The following KIF22 variants were observed in gnomAD, a reference collection of about 807,000 sequenced individuals.
The protein encoded by KIF22 is kinesin-like protein KIF22.
KIF22 carries 62 observed loss-of-function variants against 73.0 expected under a neutral mutation model. That is an observed-to-expected ratio of 0.85 (90% CI 0.69 to 1.05). The LOEUF is 1.05. Ranked by LOEUF, KIF22 falls within the 50% of genes least tolerant of loss-of-function variation. The pLI is 0.00. For missense variants in KIF22, 854 were observed against 870.1 expected, an observed-to-expected ratio of 0.98 and a Z score of 0.23; for synonymous variants, 411 against 340.1, an observed-to-expected ratio of 1.21 and a Z score of -2.29.
chr16:29,799,221 C>G, intron 5 of KIF22, 37 bp downstream of exon 5: 1 of 1,610,990 alleles, frequency 6.2e-7, no homozygotes. Context: ...CTGGGAAGCC[C>G]AGGAGCCTGA....
chr16:29,793,693 CA>C (rs1898879612), intron 1 of KIF22, among the ~76,000 whole-genome samples: 1 of 151,976 alleles, frequency 6.6e-6, no homozygotes, highest in South Asian at 2.1e-4. Flanking sequence ...ATCTAGTAAG[CA>C]TATGCTAACA....
chr16:29,791,113 C>T, intron 1 of KIF22: 1 of 1,355,906 alleles, frequency 7.4e-7, no homozygotes, highest in Non-Finnish European at 9.5e-7. Context: ...GCTTCGGTTT[C>T]TTCGTCTGTG....
rs755606500 is a variant in KIF22, at chr16:29,798,971, A to G, written c.550-4A>G. 3.7e-6 allele frequency: 6 copies of G among 1,613,760 alleles called. No homozygotes were observed. The African/African-American group carries it at 5.3e-5, about 14-fold the overall frequency. On this transcript the variant is annotated splice_region_variant and splice_polypyrimidine_tract_variant and intron_variant, in intron 4 of 13. Transcript: ENST00000160827. This position sits in a 1 kb window ranked among gnomAD's most constrained non-coding sequence, Gnocchi z 4.1. ...ATTGCCCTTCCCCTTCACTGCTTAC[A>G]CAGGTATTAGACCTCCTGGACCCTG...
chr16:29,798,149 C>T lies in KIF22; in HGVS notation c.267-225C>T, dbSNP rs1343435859. ...AACTCCAAGAGCAGGGATATCAGATCTATCTCTGTATTCCTAACACCAATA... is the reference window on the plus strand; with the variant it reads ...AACTCCAAGAGCAGGGATATCAGATTTATCTCTGTATTCCTAACACCAATA... On this transcript the variant is annotated intron_variant, in intron 2 of 13. Transcript: ENST00000160827. The surrounding 1 kb of genome is among the most constrained non-coding windows in gnomAD (Gnocchi z 4.1). Among the ~76,000 whole-genome samples, 2 of 152,166 alleles carry T rather than the reference C, an allele frequency of 1.3e-5. No homozygotes were observed. Among genetic ancestry groups the T allele is most frequent in the Non-Finnish European group, 2.9e-5 (2 of 68,038 alleles).
Position 29,805,380 on chromosome 16 carries a change from C to A in KIF22, c.*70C>A. 1 of 1,515,154 alleles carries A rather than the reference C, an allele frequency of 6.6e-7. No homozygotes were observed. The highest frequency in any genetic ancestry group is 1.1e-5 in the South Asian group (1 of 89,092). The allele number at this position is 1,515,154 out of a possible 1,614,324, so 93.9% of individuals were successfully genotyped here. The stretch of plus-strand genomic sequence containing the variant: ...GTGTTGTGTAAATACAGTTTTTGCT[C>A]CGGTGCTTCCGCCTGATTTTTGGGG... On this transcript the variant is annotated 3_prime_UTR_variant, in exon 14 of 14. Coordinates refer to ENST00000160827, the MANE Select transcript of KIF22 (RefSeq NM_007317.3).
Position 29,803,979 on chromosome 16 carries a change from T to C in KIF22, c.1610-19T>C. The C allele has an allele frequency of 6.2e-7, 1 of 1,607,892 alleles. No homozygotes were observed. Among genetic ancestry groups the C allele is most frequent in the Non-Finnish European group, 8.5e-7 (1 of 1,174,474 alleles). On this transcript the variant is annotated intron_variant, in intron 10 of 13. Transcript: ENST00000160827. ...AAGTACCCTTTGCCCTGACTCCAAT[T>C]CTCGATTCCTACTTTCAGTTCAGGA... is the stretch of plus-strand genomic sequence containing the variant.
Position 29,799,456 on chromosome 16 carries a change from G to A in KIF22, c.952G>A (p.Val318Ile), listed in dbSNP as rs1567359198. The change falls in exon 6 of 14, where the codon GTA (valine) becomes ATA (isoleucine). Residue 318 changes from valine (V) to isoleucine (I), a missense_variant. Physicochemically the swap from Val to Ile is conservative, Grantham distance 29. Coordinates refer to ENST00000160827, the MANE Select transcript of KIF22 (RefSeq NM_007317.3). The stretch of plus-strand genomic sequence containing the variant: ...TGCGCTGAATCAGGGCCTCCCTCGT[G>A]TACCTTATCGGGACAGCAAGCTCAC... ...VDALNQGLPR[V>I]PYRDSKLTRL... The A allele has an allele frequency of 6.2e-7, 1 of 1,614,198 alleles. No homozygotes were observed. Among genetic ancestry groups the A allele is most frequent in the Non-Finnish European group, 8.5e-7 (1 of 1,180,030 alleles).
At chr16:29,792,336 T>C (rs1245924655) in intron 1 of KIF22, 1 of 671,552 alleles carries the variant, frequency 1.5e-6, no homozygotes. Flanking sequence ...TGTTTACATG[T>C]GGCCCTCCCC....
At chr16:29,791,238 G>C in intron 1 of KIF22, 1 of 1,057,756 alleles carries the variant, frequency 9.5e-7, no homozygotes, top group Non-Finnish European at 1.1e-6. Flanking sequence ...ATTGGGAAGG[G>C]TTCTGTGTGG....
rs1242541688 is a variant in KIF22, at chr16:29,796,902, G to T, written c.80G>T (p.Arg27Leu). ...ATCTTCTCTCCTCCAGGAGCTGGTC[G>T]CTGTCGGCTAAGCAAGATTGGAGCT... ...ASAAAISGAG[R>L]CRLSKIGATR... The change falls in exon 2 of 14, where the codon CGC becomes CTC. Residue 27 changes from arginine (R) to leucine (L), a missense_variant. Physicochemically the swap from Arg to Leu is moderately radical, Grantham distance 102. This residue lies in a region of KIF22 where 186 missense variants were observed against 152.9 expected (regional missense o/e 1.22). Coordinates refer to ENST00000160827, the MANE Select transcript of KIF22 (RefSeq NM_007317.3). The T allele has an allele frequency of 6.2e-7, 1 of 1,614,004 alleles. No homozygotes were observed. Among genetic ancestry groups the T allele is most frequent in the Admixed American group, 1.7e-5 (1 of 60,002 alleles).
Position 29,799,501 on chromosome 16 carries a change from C to T in KIF22, c.990+7C>T. 6.2e-7 allele frequency: 1 copy of T among 1,613,806 alleles called. No individual in the cohort carries two copies. The highest frequency in any genetic ancestry group is 1.1e-5 in the South Asian group (1 of 91,076). ...GCTCACTCGCCTATTGCAGGTCAGG[C>T]CCACCTGTCTCAGGGAAGAAGGGGC... On this transcript the variant is annotated splice_region_variant and intron_variant, in intron 6 of 13. Coordinates refer to ENST00000160827, the MANE Select transcript of KIF22 (RefSeq NM_007317.3).
At chr16:29,805,235 C>A in intron 13 of KIF22, 28 bp from the exon 14 acceptor site, 1 of 1,613,976 alleles carries the variant, frequency 6.2e-7, no homozygotes, top group Non-Finnish European at 8.5e-7. Context: ...TCTCTAACGT[C>A]GCTGTCTCCC....
intron 1 of KIF22, among the ~76,000 whole-genome samples, chr16:29,793,004 GATGTTA>G (rs1238319535): frequency 6.6e-6 from 1 of 152,210 alleles, no homozygotes; most frequent in Non-Finnish European, 1.5e-5. Flanking sequence ...AGACTTGACA[GATGTTA>G]ATGATGAACT....
At position 29,805,026 on chromosome 16, in the gene KIF22, G is replaced by A. The variant is rs947851849; in HGVS notation, c.1890G>A (p.Gln630=). 1 of 1,611,282 alleles carries A rather than the reference G, an allele frequency of 6.2e-7. No homozygotes were observed. The highest frequency in any genetic ancestry group is 1.3e-5 in the African/African-American group (1 of 75,046). The change falls in exon 12 of 14, where the codon CAG becomes CAA. Residue 630 remains glutamine, a splice_region_variant and synonymous_variant. Coordinates refer to ENST00000160827, the MANE Select transcript of KIF22 (RefSeq NM_007317.3). ...GWRELHGPFS[Q]VEDLERVEGI... is the part of the protein sequence containing the mutation. ...GGGAGCTCCACGGCCCCTTCAGCCA[G>A]GTAGCAGCCCACTGGACTGGGGGAG...
At chr16:29,801,110 G>A (rs770761477) in intron 8 of KIF22, among the ~76,000 whole-genome samples, 1 of 152,166 alleles carries the variant, frequency 6.6e-6, no homozygotes, top group African/African-American at 2.4e-5. Context: ...CGGGGAGCCA[G>A]CTGCTGTCCT....
chr16:29,805,158 T>G lies in KIF22; in HGVS notation c.1934T>G (p.Met645Arg). 3 of 1,613,920 alleles carry G rather than the reference T, an allele frequency of 1.9e-6. No individual in the cohort carries two copies. Among genetic ancestry groups the G allele is most frequent in the Non-Finnish European group, 2.5e-6 (3 of 1,180,012 alleles). The part of the protein sequence containing the change: ...ERVEGITGKQ[M>R]ESFLKANILG... The stretch of plus-strand genomic sequence containing the variant: ...GTGGAGGGCATAACGGGGAAACAGA[T>G]GGAGTCCTTCCTGAAGGTGAAGTCA... The change falls in exon 13 of 14, where the codon ATG becomes AGG. Residue 645 changes from methionine (M) to arginine (R), a missense_variant. This residue lies in a region of KIF22 where 423 missense variants were observed against 365.4 expected (regional missense o/e 1.16). Coordinates refer to ENST00000160827, the MANE Select transcript of KIF22 (RefSeq NM_007317.3).
intron 8 of KIF22, 150 bp downstream of exon 8, chr16:29,800,198 T>C (rs1899090557): frequency 1.0e-5 from 9 of 898,690 alleles, no homozygotes; most frequent in East Asian, 2.8e-5. Context: ...CTCACTCCTG[T>C]AACCCCAGCA....
rs764080777 is a variant in KIF22, at chr16:29,802,942, G to T, written c.1449+5G>T. ...GAGAAGGACCTAGAGATTGAGGTAC[G>T]TGTTTTAGGGATGTGGGAGCTGGAT... On this transcript the variant is annotated splice_donor_5th_base_variant and intron_variant, in intron 9 of 13. Transcript: ENST00000160827. 1 of 1,611,112 alleles carries T rather than the reference G, an allele frequency of 6.2e-7. No individual in the cohort carries two copies. Among genetic ancestry groups the T allele is most frequent in the African/African-American group, 1.3e-5 (1 of 74,754 alleles).
Position 29,804,838 on chromosome 16 carries a change from CCTGAGGAGAAGG to C in KIF22, c.1710_1721del (p.Glu570_Glu573del), listed in dbSNP as rs1567363249. On this transcript the variant is annotated inframe_deletion, in exon 12 of 14. Transcript: ENST00000160827. ...GCTGGAGTCCCTGGATGCCCTAGAG[CCTGAGGAGAAGG>C]CTGAGGACTGCTGGGAGCTACAGAT... 1.9e-6 allele frequency: 3 copies of C among 1,612,350 alleles called. No individual in the cohort carries two copies. Among genetic ancestry groups the C allele is most frequent in the South Asian group, 1.1e-5 (1 of 90,770 alleles).
Sources: allele counts gnomAD v4.1 joint callset (sites outside exome capture counted in the v4.1 genomes callset), GRCh38; gene constraint gnomAD v4.1.1; regional missense constraint gnomAD v4.1.1; non-coding constraint Gnocchi (gnomAD v3.1); transcripts MANE v1.5; gene names NCBI Gene and HGNC (gene_info 2026-07-23, HGNC 2026-07-21).